The following ZNF804B variants were observed in gnomAD, a reference collection of about 807,000 sequenced individuals.
ZNF804B encodes zinc finger protein 804B.
Under a neutral mutation model 101.4 loss-of-function variants are expected in ZNF804B, and 80 were observed. That is an observed-to-expected ratio of 0.79 (90% CI 0.66 to 0.95). ZNF804B has a LOEUF of 0.95. Ranked by LOEUF, ZNF804B falls within the 40% of genes least tolerant of loss-of-function variation. The pLI, the probability that ZNF804B is intolerant of heterozygous loss-of-function variation, is 0.00. For missense variants in ZNF804B, 1,673 were observed against 1,561.9 expected (o/e 1.07, Z -1.20); for synonymous variants, 622 against 558.8 (o/e 1.11, Z -1.59).
intron 1 of ZNF804B, among the ~76,000 whole-genome samples, chr7:88,831,571 C>CA (rs1296460224): frequency 3.5e-4 from 52 of 146,496 alleles, no homozygotes; most frequent in African/African-American, 5.0e-4. Context: ...CAAAAACAAA[C>CA]AAAAAAAAAA....
intron 1 of ZNF804B, among the ~76,000 whole-genome samples, chr7:88,805,252 G>T (rs779104508): frequency 6.6e-6 from 1 of 152,092 alleles, no homozygotes; most frequent in East Asian, 1.9e-4. Context: ...CTAGAATTTA[G>T]AACTTTAAAA....
At chr7:89,168,858 G>A (rs1323301439) in intron 1 of ZNF804B, among the ~76,000 whole-genome samples, 1 of 152,072 alleles carries the variant, frequency 6.6e-6, no homozygotes, top group Non-Finnish European at 1.5e-5. Flanking sequence ...TTACAGGCCA[G>A]TCTTTGTTCT....
At chr7:88,846,258 C>T (rs1017887983) in intron 1 of ZNF804B, among the ~76,000 whole-genome samples, 4 of 152,134 alleles carry the variant, frequency 2.6e-5, no homozygotes, top group African/African-American at 7.2e-5. Flanking sequence ...TAAAACCACC[C>T]GCAGAGTCAC....
At chr7:89,157,207 A>G (rs192456569) in intron 1 of ZNF804B, among the ~76,000 whole-genome samples, 2 of 152,310 alleles carry the variant, frequency 1.3e-5, no homozygotes, top group Admixed American at 6.5e-5. Context: ...TAGGTTCAAT[A>G]TTTCTCTTAT....
intron 1 of ZNF804B, among the ~76,000 whole-genome samples, chr7:89,045,897 T>C (rs1165192104): frequency 6.6e-6 from 1 of 152,134 alleles, no homozygotes; most frequent in East Asian, 1.9e-4. Flanking sequence ...AATTATCTTT[T>C]GAAATGTGAG....
intron 1 of ZNF804B, among the ~76,000 whole-genome samples, chr7:89,090,032 CAT>C (rs1200752496): frequency 6.6e-6 from 1 of 151,980 alleles, no homozygotes; most frequent in African/African-American, 2.4e-5. Flanking sequence ...TAGATCTGGC[CAT>C]TACAACTGTG....
At chr7:89,219,929 ATGTG>A in intron 2 of ZNF804B, among the ~76,000 whole-genome samples, 2 of 148,592 alleles carry the variant, frequency 1.3e-5, no homozygotes, top group Non-Finnish European at 3.0e-5. Flanking sequence ...ATATACATAT[ATGTG>A]TGCATATATA....
chr7:89,250,982 T>A (rs574239353), intron 2 of ZNF804B, among the ~76,000 whole-genome samples: 1 of 152,190 alleles, frequency 6.6e-6, no homozygotes, highest in South Asian at 2.1e-4. Context: ...ATAGCCAACA[T>A]CATAGTGAAT....
intron 1 of ZNF804B, among the ~76,000 whole-genome samples, chr7:88,981,072 T>A (rs912840006): frequency 6.6e-6 from 1 of 151,764 alleles, no homozygotes; most frequent in Non-Finnish European, 1.5e-5. Flanking sequence ...CAAATAGGAG[T>A]CTCTTCTCAT....
chr7:89,200,637 A>C (rs1257345729), intron 1 of ZNF804B, among the ~76,000 whole-genome samples: 2 of 152,038 alleles, frequency 1.3e-5, no homozygotes, highest in African/African-American at 4.8e-5. Context: ...AATCATGAAC[A>C]ATCTTAGAAG....
At chr7:89,150,132 A>G (rs1449253362) in intron 1 of ZNF804B, among the ~76,000 whole-genome samples, 1 of 151,962 alleles carries the variant, frequency 6.6e-6, no homozygotes, top group Non-Finnish European at 1.5e-5. Flanking sequence ...CATCCCTTTC[A>G]GTCATGAATC....
chr7:89,206,581 G>C (rs1436029645), intron 1 of ZNF804B, among the ~76,000 whole-genome samples: 1 of 152,028 alleles, frequency 6.6e-6, no homozygotes, highest in Admixed American at 6.6e-5. Flanking sequence ...GTGAAACCCT[G>C]TCTCTACTAA....
At chr7:89,083,296 A>C (rs116567295) in intron 1 of ZNF804B, among the ~76,000 whole-genome samples, 1,539 of 151,922 alleles carry the variant, frequency 0.01, 24 homozygotes, top group African/African-American at 0.035. Flanking sequence ...ACTATGTGCA[A>C]TTATTTGGAC....
intron 1 of ZNF804B, among the ~76,000 whole-genome samples, chr7:88,889,821 A>G (rs1792190072): frequency 6.6e-6 from 1 of 152,128 alleles, no homozygotes; most frequent in African/African-American, 2.4e-5. Context: ...TTGCAATTCC[A>G]TTTGAAGACA....
intron 1 of ZNF804B, among the ~76,000 whole-genome samples, chr7:89,091,923 T>C (rs1005604949): frequency 4.6e-5 from 7 of 152,224 alleles, no homozygotes; most frequent in Non-Finnish European, 1.0e-4. Flanking sequence ...TGCACAGTTT[T>C]TTTTTATTCT....
chr7:89,172,156 A>C (rs921737129), intron 1 of ZNF804B, among the ~76,000 whole-genome samples: 1 of 152,130 alleles, frequency 6.6e-6, no homozygotes, highest in African/African-American at 2.4e-5. Flanking sequence ...TAACTATGAC[A>C]CTCAGAGACC....
At chr7:89,265,303 C>CGCACGT (rs1554386429) in intron 2 of ZNF804B, among the ~76,000 whole-genome samples, 5 of 135,886 alleles carry the variant, frequency 3.7e-5, no homozygotes, top group African/African-American at 1.3e-4. Flanking sequence ...TGCGCGTGCG[C>CGCACGT]GCGCGCACAC....
At chr7:89,288,311 A>G (rs1447829303) in intron 2 of ZNF804B, among the ~76,000 whole-genome samples, 1 of 152,144 alleles carries the variant, frequency 6.6e-6, no homozygotes, top group African/African-American at 2.4e-5. Context: ...AGTTCCAGAA[A>G]GAAAGAAGAG....
rs1386275727 is a variant in ZNF804B at position 89,335,464 on chromosome 7, T to C, written c.2482T>C (p.Cys828Arg). The C allele has an allele frequency of 6.2e-7, 1 of 1,613,860 alleles. No individual in the cohort carries two copies. Among genetic ancestry groups the C allele is most frequent in the African/African-American group, 1.3e-5 (1 of 74,890 alleles). ...SGLKSTRIIY[C>R]DSNSQISCTG... ...GCTAAAATCTACGAGAATCATCTAT[T>C]GTGATTCTAACTCACAGATTTCCTG... The change falls in exon 4 of 4, where the codon TGT becomes CGT. Residue 828 changes from cysteine to arginine, a missense_variant. Cys to Arg is a radical substitution (Grantham distance 180). Coordinates refer to ENST00000333190, the MANE Select transcript of ZNF804B (RefSeq NM_181646.5).
Sources: allele counts gnomAD v4.1 joint callset (sites outside exome capture counted in the v4.1 genomes callset), GRCh38; gene constraint gnomAD v4.1.1; transcripts MANE v1.5; gene names NCBI Gene and HGNC (gene_info 2026-07-23, HGNC 2026-07-21).